LANCL1: variants seen among roughly 807,000 people sequenced by gnomAD.
The protein encoded by LANCL1 is LanC like glutathione S-transferase 1.
LANCL1 carries 50 observed loss-of-function variants against 50.6 expected under a neutral mutation model. That is an observed-to-expected ratio of 0.99 (90% CI 0.79 to 1.25). The LOEUF (loss-of-function observed/expected upper bound fraction) is 1.25. Among genes scored for constraint, LANCL1 ranks in the 50% most tolerant of loss-of-function variants. LANCL1 has a pLI of 0.00. For synonymous variants in LANCL1, 188 were observed against 178.6 expected (o/e 1.05, Z -0.42); for missense variants, 532 against 480.7 (o/e 1.11, Z -1.00).
At chr2:210,469,856 CT>C (rs1351392742) in intron 3 of LANCL1, among the ~76,000 whole-genome samples, 9 of 151,982 alleles carry the variant, frequency 5.9e-5, no homozygotes, top group African/African-American at 9.6e-5. Flanking sequence ...AATCAATCCC[CT>C]TTTTTTTCCT....
chr2:210,476,750 CT>C lies in LANCL1; in HGVS notation c.-148del. On this transcript the variant is annotated 5_prime_UTR_variant, in exon 1 of 10. In the 5' UTR this introduces an upstream ATG that the reference lacks. Transcript: ENST00000450366. The stretch of plus-strand genomic sequence containing the variant: ...GCAGCCCCGGACAGTAACAGAAGGG[CT>C]ATTTTACCGCCCAGTTCCTGCCAGG... 1 of 1,051,056 alleles carries C rather than the reference CT, an allele frequency of 9.5e-7. No individual in the cohort carries two copies. Among genetic ancestry groups the C allele is most frequent in the South Asian group, 3.7e-5 (1 of 26,916 alleles). 65.1% of individuals were successfully genotyped at this position (1,051,056 alleles called of 1,614,324 possible).
chr2:210,477,549 A>G, upstream of LANCL1: 3 of 1,316,362 alleles, frequency 2.3e-6, no homozygotes, highest in East Asian at 8.3e-5. Flanking sequence ...GTTTCAATGA[A>G]GAGTCCTAGC....
At chr2:210,472,360 T>C (rs1167281810) in intron 2 of LANCL1, among the ~76,000 whole-genome samples, 1 of 152,182 alleles carries the variant, frequency 6.6e-6, no homozygotes, top group East Asian at 1.9e-4. Flanking sequence ...CTAATAGTAA[T>C]CGTCTATTAT....
intron 4 of LANCL1, among the ~76,000 whole-genome samples, chr2:210,453,531 AT>A (rs1693571670): frequency 6.6e-6 from 1 of 152,214 alleles, no homozygotes; most frequent in South Asian, 2.1e-4. Flanking sequence ...TCTTGGTCTC[AT>A]TGAACACATT....
upstream of LANCL1, chr2:210,476,824 C>G: frequency 2.0e-6 from 2 of 1,001,854 alleles, no homozygotes; most frequent in Non-Finnish European, 2.4e-6. Context: ...CCCCTTCTCT[C>G]TTACAGTTTG....
chr2:210,438,247 G>GT (rs1693007793), intron 6 of LANCL1, among the ~76,000 whole-genome samples: 1 of 148,510 alleles, frequency 6.7e-6, no homozygotes, highest in Non-Finnish European at 1.5e-5. Context: ...TGATTGTCCT[G>GT]TCTCAGCCTC....
intron 4 of LANCL1, among the ~76,000 whole-genome samples, chr2:210,441,774 A>C (rs1693145032): frequency 6.6e-6 from 1 of 152,200 alleles, no homozygotes; most frequent in Non-Finnish European, 1.5e-5. Flanking sequence ...GCTGGCTTTT[A>C]GGGCATTTAG....
chr2:210,474,654 A>AG (rs1694306327), intron 2 of LANCL1, among the ~76,000 whole-genome samples: 1 of 151,948 alleles, frequency 6.6e-6, no homozygotes, highest in Admixed American at 6.6e-5. Context: ...TGGGCCTGGG[A>AG]GGCAGAAGTT....
In LANCL1 at chr2:210,476,320, C is replaced by A; in HGVS notation, c.77G>T (p.Gly26Val). The change falls in exon 2 of 10, where the codon GGG (glycine) becomes GTG (valine). Residue 26 changes from glycine to valine, a missense_variant. Coordinates refer to ENST00000450366, the MANE Select transcript of LANCL1 (RefSeq NM_006055.3). ...GCAGACATATCCTAAACTCACCCTC[C>A]CGGCAGCATCAAAGTAGCCTTCGGC... Reference protein sequence around the residue: ...SLAEGYFDAAGRLTPEFSQRL... With the variant: ...SLAEGYFDAAVRLTPEFSQRL... 1 of 1,612,876 alleles carries A rather than the reference C, an allele frequency of 6.2e-7. No individual in the cohort carries two copies. The highest frequency in any genetic ancestry group is 8.5e-7 in the Non-Finnish European group (1 of 1,178,886).
intron 2 of LANCL1, among the ~76,000 whole-genome samples, chr2:210,474,077 G>A (rs183920216): frequency 6.6e-6 from 1 of 152,310 alleles, no homozygotes; most frequent in East Asian, 1.9e-4. Context: ...GGCACATTCT[G>A]CATTTAATAA....
intron 3 of LANCL1, among the ~76,000 whole-genome samples, chr2:210,458,044 T>G (rs527883088): frequency 1.3e-5 from 2 of 152,264 alleles, no homozygotes; most frequent in East Asian, 3.9e-4. Context: ...ATTTATTTCC[T>G]TTTCTACTTT....
chr2:210,452,644 A>G (rs978512490), intron 4 of LANCL1, among the ~76,000 whole-genome samples: 22 of 152,148 alleles, frequency 1.4e-4, no homozygotes, highest in African/African-American at 5.1e-4. Context: ...CAGAAACCCT[A>G]AGATTCTGGC....
intron 6 of LANCL1, among the ~76,000 whole-genome samples, chr2:210,439,851 C>T (rs371738753): frequency 1.8e-4 from 28 of 152,252 alleles, no homozygotes; most frequent in African/African-American, 5.5e-4. Context: ...CCACAGTGTG[C>T]CTTGGGAAGG....
At chr2:210,465,862 G>GA (rs1003219263) in intron 3 of LANCL1, among the ~76,000 whole-genome samples, 1 of 152,144 alleles carries the variant, frequency 6.6e-6, no homozygotes, top group Non-Finnish European at 1.5e-5. Context: ...TCTGGGGGGG[G>GA]AAAAGCCACA....
rs1452372493 is a variant in LANCL1, at chr2:210,468,204, CT to C, written c.199+3754del. Reference sequence around the variant, plus strand: ...TGAATGAAAAAAAAAAAACACAAAACTTTAAGGTGTTGTGAATCAAAATCCA... The same window carrying C: ...TGAATGAAAAAAAAAAAACACAAAACTTAAGGTGTTGTGAATCAAAATCCA... On this transcript the variant is annotated intron_variant, in intron 3 of 9. Coordinates refer to ENST00000450366, the MANE Select transcript of LANCL1 (RefSeq NM_006055.3). 7 of 150,634 alleles carry C rather than the reference CT, an allele frequency of 4.6e-5. No homozygotes were observed. The East Asian group carries it at 7.8e-4, about 17-fold the overall frequency. 9.3% of individuals were successfully genotyped at this position (150,634 alleles called of 1,614,324 possible). A position where few individuals can be genotyped will look rare whatever the true frequency, so the allele number is the denominator to read the frequency against.
chr2:210,433,845 AGGCTGT>A lies in LANCL1; in HGVS notation c.*636_*641del, dbSNP rs1349131582. On this transcript the variant is annotated 3_prime_UTR_variant, in exon 10 of 10. Transcript: ENST00000450366. ...TTTGATTAAAAATGTTGGCTTCTGA[AGGCTGT>A]ATGCCTTACCGACAAAAACAGGCCA... 3.9e-5 allele frequency: 6 copies of A among 152,222 alleles called. No individual in the cohort carries two copies. The highest frequency in any genetic ancestry group is 2.9e-5 in the Non-Finnish European group (2 of 68,024). The allele number at this position is 152,222 out of a possible 1,614,324, so 9.4% of individuals were successfully genotyped here. A position where few individuals can be genotyped will look rare whatever the true frequency, so the allele number is the denominator to read the frequency against.
chr2:210,472,136 T>G, intron 2 of LANCL1, 60 bp from the exon 3 acceptor site: 1 of 1,116,580 alleles, frequency 9.0e-7, no homozygotes, highest in Non-Finnish European at 1.4e-6. Flanking sequence ...TGCTGGACTA[T>G]AAGCTATCAA....
intron 3 of LANCL1, among the ~76,000 whole-genome samples, chr2:210,455,892 A>G (rs1280268979): frequency 2.0e-5 from 3 of 151,534 alleles, no homozygotes; most frequent in Non-Finnish European, 2.9e-5. Flanking sequence ...GGATTATAAG[A>G]AAGTTATTTG....
Position 210,455,316 on chromosome 2 carries a change from T to C in LANCL1, c.200-2A>G. The C allele has an allele frequency of 2.0e-6, 2 of 999,992 alleles. No individual in the cohort carries two copies. The highest frequency in any genetic ancestry group is 1.3e-6 in the Non-Finnish European group (1 of 765,304). The allele number at this position is 999,992 out of a possible 1,614,324, so 61.9% of individuals were successfully genotyped here. ...GATGTAAGTAAAGCACAGCAATACC[T>C]GAAAAAAAAAAAAGGAAACAATGTA... On this transcript the variant is annotated splice_acceptor_variant, in intron 3 of 9. Transcript: ENST00000450366. LOFTEE classifies it high-confidence loss of function.
Sources: allele counts gnomAD v4.1 joint callset (sites outside exome capture counted in the v4.1 genomes callset), GRCh38; gene constraint gnomAD v4.1.1; transcripts MANE v1.5; gene names NCBI Gene and HGNC (gene_info 2026-07-23, HGNC 2026-07-21).